THSD4: variants seen among roughly 807,000 people sequenced by gnomAD.
THSD4 encodes thrombospondin type 1 domain containing 4.
THSD4 carries 69 observed loss-of-function variants against 119.0 expected under a neutral mutation model. That is an observed-to-expected ratio of 0.58 (90% CI 0.48 to 0.71). The LOEUF (loss-of-function observed/expected upper bound fraction) is 0.71. Among genes scored for constraint, THSD4 ranks in the 30% least tolerant of loss-of-function variants. THSD4 has a pLI of 0.00. For synonymous variants in THSD4, 524 were observed against 540.4 expected, an observed-to-expected ratio of 0.97 and a Z score of 0.42; for missense variants, 1,393 against 1,391.1, an observed-to-expected ratio of 1.00 and a Z score of -0.02.
chr15:71,389,712 C>A (rs60808572), intron 6 of THSD4, among the ~76,000 whole-genome samples: 2,266 of 151,100 alleles, frequency 0.015, 67 homozygotes, highest in African/African-American at 0.052. Flanking sequence ...TGTCATACTG[C>A]TTTCCACATG....
At chr15:71,303,745 C>T (rs918725685) in intron 6 of THSD4, among the ~76,000 whole-genome samples, 4 of 152,084 alleles carry the variant, frequency 2.6e-5, no homozygotes, top group Admixed American at 6.5e-5. Context: ...TTTCCTGGTG[C>T]GCTGGATTAG....
rs140472013 is a variant in THSD4 at position 71,265,044 on chromosome 15, G to A, written c.1015+8329G>A. ...TGATAGGATTAGTGTTCTTATAAGA[G>A]GAACACTAATATTACCTGGGGACCC... On this transcript the variant is annotated intron_variant, in intron 6 of 17. Coordinates refer to ENST00000261862, the MANE Select transcript of THSD4 (RefSeq NM_024817.3). Among the ~76,000 whole-genome samples the A allele has an allele frequency of 3.0e-3, 449 of 152,124 alleles. 5 individuals carry two copies. Among genetic ancestry groups the A allele is most frequent in the African/African-American group, 0.011 (438 of 41,506 alleles).
At chr15:71,585,136 G>C (rs184819547) in intron 7 of THSD4, among the ~76,000 whole-genome samples, 40 of 152,072 alleles carry the variant, frequency 2.6e-4, no homozygotes, top group Non-Finnish European at 4.9e-4. Context: ...TTACAATATT[G>C]GGTTATTCTG....
intron 4 of THSD4, 93 bp from the exon 5 acceptor site, chr15:71,242,556 T>A (rs2044161842): frequency 7.3e-7 from 1 of 1,370,508 alleles, no homozygotes; most frequent in South Asian, 1.3e-5. Context: ...CTTCCGTTCC[T>A]ACCTGGTCCT....
chr15:71,740,240 A>G (rs2053209050), intron 11 of THSD4, among the ~76,000 whole-genome samples: 1 of 152,238 alleles, frequency 6.6e-6, no homozygotes, highest in Non-Finnish European at 1.5e-5. Context: ...TCAGAAAGCT[A>G]GAAATATTTT....
chr15:71,143,330 A>T (rs1249722970), intron 2 of THSD4, among the ~76,000 whole-genome samples: 1 of 152,116 alleles, frequency 6.6e-6, no homozygotes, highest in Non-Finnish European at 1.5e-5. Flanking sequence ...TGAAATATGC[A>T]TCTAGTTTGT....
intron 7 of THSD4, among the ~76,000 whole-genome samples, chr15:71,561,863 A>AACACACAC (rs71154780): frequency 8.8e-4 from 115 of 130,442 alleles, no homozygotes; most frequent in South Asian, 4.3e-3. Flanking sequence ...TTTTAAAATA[A>AACACACAC]ACACACACAC....
chr15:71,736,507 CTCTCTA>C (rs1210417594), intron 10 of THSD4, among the ~76,000 whole-genome samples: 3 of 151,690 alleles, frequency 2.0e-5, no homozygotes, highest in Non-Finnish European at 4.4e-5. Context: ...CTGTCTTGCT[CTCTCTA>C]TCTGTGTCTC....
chr15:71,454,371 T>C (rs2047308212), intron 7 of THSD4, among the ~76,000 whole-genome samples: 1 of 152,192 alleles, frequency 6.6e-6, no homozygotes, highest in Non-Finnish European at 1.5e-5. Context: ...CAAGGCATTT[T>C]CTGTATGTTG....
intron 6 of THSD4, among the ~76,000 whole-genome samples, chr15:71,376,338 C>A (rs1231267663): frequency 1.3e-5 from 2 of 152,172 alleles, no homozygotes; most frequent in African/African-American, 4.8e-5. Context: ...CTTCCTTATG[C>A]CCTAGTTTAG....
At chr15:71,366,029 C>A (rs1038835845) in intron 6 of THSD4, among the ~76,000 whole-genome samples, 3 of 152,136 alleles carry the variant, frequency 2.0e-5, no homozygotes, top group African/African-American at 7.2e-5. Context: ...GCTGTCCTTT[C>A]ACACATCCTC....
At chr15:71,774,395 G>T (rs62023287) in intron 17 of THSD4, among the ~76,000 whole-genome samples, 4,136 of 151,920 alleles carry the variant, frequency 0.027, 83 homozygotes, top group Non-Finnish European at 0.042. Context: ...AATAATGGGA[G>T]TCCATGTTTT....
At chr15:71,486,125 G>T (rs1239493714) in intron 7 of THSD4, among the ~76,000 whole-genome samples, 1 of 152,108 alleles carries the variant, frequency 6.6e-6, no homozygotes, top group South Asian at 2.1e-4. Flanking sequence ...TCAGTCTTGA[G>T]CACCCTTACA....
At chr15:71,467,779 A>C (rs1273039405) in intron 7 of THSD4, among the ~76,000 whole-genome samples, 1 of 151,834 alleles carries the variant, frequency 6.6e-6, no homozygotes, top group Non-Finnish European at 1.5e-5. Flanking sequence ...GAGGTAATTG[A>C]ATCATAGGGG....
At chr15:71,374,858 A>G (rs1232412919) in intron 6 of THSD4, among the ~76,000 whole-genome samples, 2 of 152,218 alleles carry the variant, frequency 1.3e-5, no homozygotes, top group African/African-American at 2.4e-5. Flanking sequence ...CACAAAGGCT[A>G]GGACAGCAGA....
chr15:71,192,039 A>C (rs2043676437), intron 3 of THSD4, among the ~76,000 whole-genome samples: 1 of 151,314 alleles, frequency 6.6e-6, no homozygotes, highest in African/African-American at 2.4e-5. Flanking sequence ...AGTACCTGGG[A>C]TTACAGGTGC....
At chr15:71,670,236 C>T (rs969575711) in intron 8 of THSD4, among the ~76,000 whole-genome samples, 1 of 151,654 alleles carries the variant, frequency 6.6e-6, no homozygotes, top group African/African-American at 2.4e-5. Flanking sequence ...CCCCTATCCC[C>T]CACCCCATGA....
chr15:71,604,496 G>A (rs1031044377), intron 7 of THSD4, among the ~76,000 whole-genome samples: 10 of 152,174 alleles, frequency 6.6e-5, no homozygotes, highest in East Asian at 1.9e-4. Flanking sequence ...CAGACCAAAT[G>A]TATTTAAATC....
chr15:71,472,757 G>A (rs1260597340), intron 7 of THSD4, among the ~76,000 whole-genome samples: 2 of 152,186 alleles, frequency 1.3e-5, no homozygotes, highest in Admixed American at 1.3e-4. Context: ...ACAGGAGGCT[G>A]ACTTGTGTGT....
Sources: allele counts gnomAD v4.1 joint callset (sites outside exome capture counted in the v4.1 genomes callset), GRCh38; gene constraint gnomAD v4.1.1; transcripts MANE v1.5; gene names NCBI Gene and HGNC (gene_info 2026-07-23, HGNC 2026-07-21).